CXADR: variants seen among roughly 807,000 people sequenced by gnomAD.
The protein encoded by CXADR is coxsackievirus and adenovirus receptor.
Under a neutral mutation model 40.3 loss-of-function variants are expected in CXADR, and 20 were observed. The ratio of observed to expected loss-of-function variants is 0.50; its 90% CI spans 0.35 to 0.72. CXADR has a LOEUF of 0.72. Ranked by LOEUF, CXADR falls within the 30% of genes least tolerant of loss-of-function variation. The pLI, the probability that CXADR is intolerant of heterozygous loss-of-function variation, is 0.01. For missense variants in CXADR, 332 were observed against 449.1 expected, an observed-to-expected ratio of 0.74 and a Z score of 2.36; for synonymous variants, 150 against 161.3, an observed-to-expected ratio of 0.93 and a Z score of 0.53.
intron 1 of CXADR, among the ~76,000 whole-genome samples, chr21:17,526,678 T>C (rs1052741117): frequency 3.3e-5 from 5 of 152,228 alleles, no homozygotes; most frequent in African/African-American, 1.2e-4. Flanking sequence ...ATTTTCTTAT[T>C]GGAGTTAACT....
At chr21:17,538,305 A>T (rs2060785711) in intron 1 of CXADR, among the ~76,000 whole-genome samples, 1 of 152,080 alleles carries the variant, frequency 6.6e-6, no homozygotes, top group Non-Finnish European at 1.5e-5. Context: ...CAGCAAGAGG[A>T]GGTATCTTAC....
At position 17,563,813 on chromosome 21, in the gene CXADR, C is replaced by T. The variant is rs372743642; in HGVS notation, c.834-1615C>T. Among the ~76,000 whole-genome samples, 751 of 150,488 alleles carry T rather than the reference C, an allele frequency of 5.0e-3. 8 individuals are homozygous for T. The highest frequency in any genetic ancestry group is 0.028 in the Middle Eastern group (8 of 290). Reference sequence around the variant, plus strand: ...AAAATTAGCCGGGTGCAGTGGCGGGCGCCTGTAGTCCCAGCCACTCGGGAG... The same window carrying T: ...AAAATTAGCCGGGTGCAGTGGCGGGTGCCTGTAGTCCCAGCCACTCGGGAG... On this transcript the variant is annotated intron_variant, in intron 6 of 6. Coordinates refer to ENST00000284878, the MANE Select transcript of CXADR (RefSeq NM_001338.5).
At chr21:17,614,776 T>G in the CXADR span, among the ~76,000 whole-genome samples, 1 of 152,176 alleles carries the variant, frequency 6.6e-6, no homozygotes, top group Admixed American at 6.5e-5. Context: ...AGCTGAACAC[T>G]GTGAAATAGA....
At chr21:17,518,111 T>TA (rs1600939329) in intron 1 of CXADR, among the ~76,000 whole-genome samples, 1 of 152,102 alleles carries the variant, frequency 6.6e-6, no homozygotes, top group Non-Finnish European at 1.5e-5. Flanking sequence ...CTGTGTTTTA[T>TA]AGGGGGAAAA....
chr21:17,535,833 C>T (rs1949306501), intron 1 of CXADR, among the ~76,000 whole-genome samples: 1 of 151,954 alleles, frequency 6.6e-6, no homozygotes, highest in African/African-American at 2.4e-5. Context: ...ACAGTGAGAC[C>T]CCATCTCTAC....
At chr21:17,579,257 G>A (rs1285350588) in intron 7 of CXADR, among the ~76,000 whole-genome samples, 2 of 151,326 alleles carry the variant, frequency 1.3e-5, no homozygotes, top group South Asian at 2.1e-4. Flanking sequence ...GTTATTAGAC[G>A]GTCTTACTTT....
At chr21:17,614,679 G>A in the CXADR span, among the ~76,000 whole-genome samples, 2 of 152,108 alleles carry the variant, frequency 1.3e-5, no homozygotes, top group Non-Finnish European at 2.9e-5. Flanking sequence ...GGAAATTGAG[G>A]CTGCAGTGAG....
chr21:17,558,549 T>C (rs1488143615), intron 3 of CXADR, among the ~76,000 whole-genome samples: 2 of 152,180 alleles, frequency 1.3e-5, no homozygotes, highest in Non-Finnish European at 2.9e-5. Context: ...TTGTCAGGGT[T>C]ATGGCGCCTA....
intron 1 of CXADR, among the ~76,000 whole-genome samples, chr21:17,531,711 A>T (rs565628701): frequency 2.0e-5 from 3 of 151,980 alleles, no homozygotes; most frequent in African/African-American, 7.3e-5. Context: ...AAATTCTTGC[A>T]ATTTCTTGTA....
downstream of CXADR, among the ~76,000 whole-genome samples, chr21:17,570,723 A>T (rs1012452524): frequency 2.0e-5 from 3 of 152,216 alleles, no homozygotes; most frequent in African/African-American, 4.8e-5. Context: ...GTATATCAAC[A>T]TGAGAATTTT....
At chr21:17,543,982 A>G (rs1344082048) in intron 1 of CXADR, among the ~76,000 whole-genome samples, 1 of 152,154 alleles carries the variant, frequency 6.6e-6, no homozygotes, top group Admixed American at 6.5e-5. Flanking sequence ...TGGGTAACAT[A>G]GTGAGACCTC....
chr21:17,595,967 G>A (rs2061498868), downstream of CXADR, among the ~76,000 whole-genome samples: 2 of 151,956 alleles, frequency 1.3e-5, no homozygotes, highest in Admixed American at 6.6e-5. Context: ...AAATTGTGCA[G>A]TTCTGGAAGA....
At chr21:17,522,469 G>A (rs1338670976) in intron 1 of CXADR, among the ~76,000 whole-genome samples, 1 of 152,030 alleles carries the variant, frequency 6.6e-6, no homozygotes, top group Admixed American at 6.6e-5. Flanking sequence ...TTATTAACCA[G>A]ATTTCTGGAA....
chr21:17,593,021 C>CAA (rs1428554085), intron 7 of CXADR: 1 of 757,356 alleles, frequency 1.3e-6, no homozygotes, highest in East Asian at 3.5e-5. Context: ...TCTGGTAAGT[C>CAA]AAATAATTTA....
At chr21:17,555,358 G>A (rs956547343) in intron 3 of CXADR, among the ~76,000 whole-genome samples, 3 of 152,136 alleles carry the variant, frequency 2.0e-5, no homozygotes, top group Non-Finnish European at 4.4e-5. Context: ...TACTGGGCAC[G>A]GCCCCTCACT....
chr21:17,556,794 G>A (rs372355665), intron 3 of CXADR, among the ~76,000 whole-genome samples: 2 of 152,320 alleles, frequency 1.3e-5, no homozygotes, highest in East Asian at 1.9e-4. Flanking sequence ...GTAAGTAGGA[G>A]CAGATGAAGG....
chr21:17,595,147 A>G (rs954355405), downstream of CXADR, among the ~76,000 whole-genome samples: 2 of 152,064 alleles, frequency 1.3e-5, no homozygotes, highest in Non-Finnish European at 2.9e-5. Flanking sequence ...TTTGGGAATA[A>G]TAGTTTTAGA....
the CXADR span, among the ~76,000 whole-genome samples, chr21:17,627,812 T>C: frequency 6.6e-6 from 1 of 152,194 alleles, no homozygotes; most frequent in Non-Finnish European, 1.5e-5. Flanking sequence ...GATCCAACTT[T>C]GTGGACCATG....
intron 4 of CXADR, among the ~76,000 whole-genome samples, chr21:17,559,669 G>GTTTTTTTTTTTTTTT (rs1447996912): frequency 3.6e-5 from 1 of 27,890 alleles, no homozygotes; most frequent in African/African-American, 1.3e-4. Context: ...TTTTTTTTGG[G>GTTTTTTTTTTTTTTT]TTTTTTTTTT....
Sources: gnomAD v4.1 joint callset for allele counts (sites outside exome capture counted in the v4.1 genomes callset) on GRCh38, gnomAD v4.1.1 for gene constraint, MANE v1.5 for transcripts, NCBI Gene and HGNC (gene_info 2026-07-23, HGNC 2026-07-21) for gene names.